Variants in DAPK1 observed in about 807,000 individuals in gnomAD.
DAPK1 encodes the protein death associated protein kinase 1.
A neutral mutation model predicts 144.9 loss-of-function variants in DAPK1; 56 were observed. That is an observed-to-expected ratio of 0.39 (90% CI 0.31 to 0.48). The LOEUF (loss-of-function observed/expected upper bound fraction) is 0.48. Ranked by LOEUF, DAPK1 falls within the 20% of genes least tolerant of loss-of-function variation. DAPK1 has a pLI of 0.95. For synonymous variants in DAPK1, 690 were observed against 749.0 expected, an observed-to-expected ratio of 0.92 and a Z score of 1.29; for missense variants, 1,454 against 1,875.4, an observed-to-expected ratio of 0.78 and a Z score of 4.15.
At chr9:87,567,694 G>A (rs1827177934) in intron 2 of DAPK1, among the ~76,000 whole-genome samples, 2 of 152,150 alleles carry the variant, frequency 1.3e-5, no homozygotes, top group Admixed American at 1.3e-4. Flanking sequence ...CAGTGCTGGA[G>A]ATGGAGTTGT....
intron 2 of DAPK1, among the ~76,000 whole-genome samples, chr9:87,558,610 GCTGGT>G (rs1441819321): frequency 1.3e-5 from 2 of 152,156 alleles, no homozygotes; most frequent in Non-Finnish European, 2.9e-5. Context: ...CTCGATACTA[GCTGGT>G]CTCTTGGTTT....
chr9:87,637,427 A>G (rs1159696710), intron 3 of DAPK1, among the ~76,000 whole-genome samples: 3 of 152,200 alleles, frequency 2.0e-5, no homozygotes, highest in African/African-American at 2.4e-5. Context: ...GTTAGTATTT[A>G]CATACAAACC....
At chr9:87,518,453 C>G (rs1417766630) in intron 2 of DAPK1, among the ~76,000 whole-genome samples, 1 of 151,878 alleles carries the variant, frequency 6.6e-6, no homozygotes, top group African/African-American at 2.4e-5. Context: ...AAGGGAAAAC[C>G]TAAGGAAACT....
At chr9:87,688,592 CTCT>C (rs749477651) in intron 21 of DAPK1, among the ~76,000 whole-genome samples, 1 of 152,126 alleles carries the variant, frequency 6.6e-6, no homozygotes, top group African/African-American at 2.4e-5. Flanking sequence ...TCACCAGCAT[CTCT>C]TGTTTTTTTG....
intron 2 of DAPK1, among the ~76,000 whole-genome samples, chr9:87,587,690 A>G (rs1213789822): frequency 1.3e-5 from 2 of 152,228 alleles, no homozygotes; most frequent in Non-Finnish European, 2.9e-5. Flanking sequence ...CATAAGCGTA[A>G]TCAGTTTTAA....
At chr9:87,559,710 C>T (rs1826838299) in intron 2 of DAPK1, among the ~76,000 whole-genome samples, 1 of 152,118 alleles carries the variant, frequency 6.6e-6, no homozygotes, top group Non-Finnish European at 1.5e-5. Flanking sequence ...GTCTGAACTC[C>T]AAGAATTGCT....
chr9:87,598,495 T>C lies in DAPK1; in HGVS notation c.63-6459T>C, dbSNP rs1351267788. 3.3e-5 allele frequency among the ~76,000 whole-genome samples: 5 copies of C among 152,166 alleles called. 1 individual carries two copies. Among genetic ancestry groups the C allele is most frequent in the Admixed American group, 2.6e-4 (4 of 15,276 alleles). On this transcript the variant is annotated intron_variant, in intron 2 of 25. Transcript: ENST00000408954. ...GTTTTCGTCACTTTTTTTTTTGATCTGCACTCACCTGCTCCAGGTGAGAAC... is the reference window on the plus strand; with the variant it reads ...GTTTTCGTCACTTTTTTTTTTGATCCGCACTCACCTGCTCCAGGTGAGAAC...
chr9:87,667,883 G>GGCTT (rs1360541369), intron 18 of DAPK1: 1 of 152,162 alleles, frequency 6.6e-6, no homozygotes, highest in African/African-American at 2.4e-5. Flanking sequence ...CAAGGACTGA[G>GGCTT]GCTTGCAGAG....
chr9:87,567,025 C>G (rs572081910), intron 2 of DAPK1, among the ~76,000 whole-genome samples: 1 of 151,754 alleles, frequency 6.6e-6, no homozygotes, highest in African/African-American at 2.4e-5. Flanking sequence ...GAGAAGCTCC[C>G]CAGAATTCAC....
rs558897214 is a variant in DAPK1 at position 87,683,169 on chromosome 9, G to A, written c.2224+1543G>A. ...GTGATCTCGGCTCACTGCAACCTCC[G>A]CCTCCTGGGTTCAAGTGATTCTCCT... is the stretch of plus-strand genomic sequence containing the variant. On this transcript the variant is annotated intron_variant, in intron 20 of 25. Coordinates refer to ENST00000408954, the MANE Select transcript of DAPK1 (RefSeq NM_004938.4). 8.8e-5 allele frequency among the ~76,000 whole-genome samples: 13 copies of A among 148,442 alleles called. No homozygotes were observed. In the East Asian group the frequency reaches 1.0e-3, roughly 11 times the overall value.
chr9:87,672,110 C>T (rs1019751314), intron 19 of DAPK1, among the ~76,000 whole-genome samples: 2 of 152,156 alleles, frequency 1.3e-5, no homozygotes, highest in Non-Finnish European at 2.9e-5. Flanking sequence ...AGATGATGTC[C>T]CTTGCACACT....
chr9:87,632,467 G>C, intron 3 of DAPK1: 1 of 980,090 alleles, frequency 1.0e-6, no homozygotes, highest in Non-Finnish European at 1.2e-6. Flanking sequence ...TATATATATA[G>C]GAATGAAGGG....
intron 3 of DAPK1, among the ~76,000 whole-genome samples, chr9:87,619,161 A>G (rs1829202266): frequency 6.6e-6 from 1 of 151,520 alleles, no homozygotes; most frequent in Admixed American, 6.6e-5. Context: ...CTCACATGTC[A>G]CCCTCTCTGG....
rs368659107 is a variant in DAPK1, at chr9:87,703,214, C to T, written c.3057C>T (p.Gly1019=). 3.1e-6 allele frequency: 5 copies of T among 1,600,308 alleles called. No individual in the cohort carries two copies. The highest frequency in any genetic ancestry group is 2.7e-5 in the African/African-American group (2 of 74,684). The change falls in exon 25 of 26, where the codon GGC becomes GGT. Residue 1019 remains glycine (G), a synonymous_variant. Coordinates refer to ENST00000408954, the MANE Select transcript of DAPK1 (RefSeq NM_004938.4). ...RRIAQQLHST[G]EINIMQSETV... ...TTGCTCAGCAGCTCCACAGCACAGGCGAGGTGAGCCCCTGGGAGCCCAGGC... is the reference window on the plus strand; with the variant it reads ...TTGCTCAGCAGCTCCACAGCACAGGTGAGGTGAGCCCCTGGGAGCCCAGGC...
intron 18 of DAPK1, chr9:87,667,816 C>T (rs1031381683): frequency 2.0e-5 from 3 of 152,014 alleles, no homozygotes; most frequent in African/African-American, 7.3e-5. Context: ...CCTACATGTC[C>T]CTTTTCTCCC....
chr9:87,514,773 T>C (rs965955430), intron 2 of DAPK1, among the ~76,000 whole-genome samples: 3 of 152,272 alleles, frequency 2.0e-5, no homozygotes, highest in Non-Finnish European at 4.4e-5. Flanking sequence ...AGACTTGTCA[T>C]GACAGTGTCC....
intron 3 of DAPK1, chr9:87,633,014 G>T: frequency 1.0e-6 from 1 of 979,162 alleles, no homozygotes; most frequent in Non-Finnish European, 1.2e-6. Context: ...GGGATGAGAA[G>T]GATGAGTATA....
chr9:87,665,003 A>G (rs1033274576), intron 18 of DAPK1, among the ~76,000 whole-genome samples: 2 of 152,084 alleles, frequency 1.3e-5, no homozygotes, highest in African/African-American at 2.4e-5. Flanking sequence ...TTCCCCAGGT[A>G]TCCATGTGAT....
At chr9:87,552,466 C>T (rs935544661) in intron 2 of DAPK1, among the ~76,000 whole-genome samples, 1 of 152,068 alleles carries the variant, frequency 6.6e-6, no homozygotes, top group Non-Finnish European at 1.5e-5. Context: ...ACTTGTGGCC[C>T]ACACACTAAT....
Sources: allele counts gnomAD v4.1 joint callset (sites outside exome capture counted in the v4.1 genomes callset), GRCh38; gene constraint gnomAD v4.1.1; transcripts MANE v1.5; gene names NCBI Gene and HGNC (gene_info 2026-07-23, HGNC 2026-07-21).